The following CTNNBL1 variants were observed in gnomAD, a reference collection of about 807,000 sequenced individuals.
CTNNBL1 encodes the protein beta-catenin-like protein 1.
Under a neutral mutation model 72.7 loss-of-function variants are expected in CTNNBL1, and 31 were observed. The observed-to-expected ratio is 0.43, with a 90% CI of 0.32 to 0.58. CTNNBL1 has a LOEUF of 0.58. CTNNBL1 is among the 20% of genes least tolerant of loss of function. CTNNBL1 has a pLI of 0.08. For missense variants in CTNNBL1, 534 were observed against 725.1 expected, an observed-to-expected ratio of 0.74 and a Z score of 3.03; for synonymous variants, 240 against 267.3, an observed-to-expected ratio of 0.90 and a Z score of 1.00.
rs138347011 is a variant in CTNNBL1, at chr20:37,737,690, G to C, written c.326+206G>C. Among the ~76,000 whole-genome samples, 117 of 152,286 alleles carry C rather than the reference G, an allele frequency of 7.7e-4. No individual in the cohort carries two copies. The East Asian group carries it at 8.7e-3, about 11-fold the overall frequency. On this transcript the variant is annotated intron_variant, in intron 3 of 15. Coordinates refer to ENST00000361383, the MANE Select transcript of CTNNBL1 (RefSeq NM_030877.5). ...GTTTATTACACAGGGCACACAACAG[G>C]ATCAGCAAGAGAAAAAGACACATCA...
intron 1 of CTNNBL1, among the ~76,000 whole-genome samples, chr20:37,732,032 G>C (rs1469786506): frequency 6.6e-6 from 1 of 152,138 alleles, no homozygotes; most frequent in Non-Finnish European, 1.5e-5. Context: ...TCCATCAACA[G>C]TGCACAGGGT....
In CTNNBL1 at chr20:37,796,087, C is replaced by T. The variant is rs534352122; in HGVS notation, c.1032-6780C>T. ...TGAAGCACTACTCATCTTACTACTC[C>T]GCCAGGTGCACTGTGAATTAATAAG... On this transcript the variant is annotated intron_variant, in intron 10 of 15. Transcript: ENST00000361383. Among the ~76,000 whole-genome samples the T allele has an allele frequency of 3.3e-5, 5 of 152,240 alleles. No individual in the cohort carries two copies. In the East Asian group the frequency reaches 5.8e-4, roughly 18 times the overall value.
At chr20:37,758,736 C>T (rs535523176) in intron 5 of CTNNBL1, among the ~76,000 whole-genome samples, 5 of 152,218 alleles carry the variant, frequency 3.3e-5, no homozygotes, top group Non-Finnish European at 7.3e-5. Flanking sequence ...TCTTTTCTCT[C>T]TGGTAAGAAT....
intron 10 of CTNNBL1, among the ~76,000 whole-genome samples, chr20:37,790,647 T>A (rs576797942): frequency 1.3e-5 from 2 of 152,160 alleles, no homozygotes; most frequent in Non-Finnish European, 2.9e-5. Context: ...GCGTTACCTT[T>A]TAATAAATGG....
intron 1 of CTNNBL1, among the ~76,000 whole-genome samples, chr20:37,726,024 G>A (rs2073081500): frequency 6.6e-6 from 1 of 152,144 alleles, no homozygotes; most frequent in African/African-American, 2.4e-5. Flanking sequence ...TTATGTACAT[G>A]CATACATATA....
chr20:37,828,404 A>G (rs1175747473), intron 11 of CTNNBL1, among the ~76,000 whole-genome samples: 2 of 152,058 alleles, frequency 1.3e-5, no homozygotes, highest in Non-Finnish European at 2.9e-5. Context: ...TTTTAAAAAT[A>G]TGCCTATTGG....
At chr20:37,772,931 T>C (rs193161648) in intron 7 of CTNNBL1, among the ~76,000 whole-genome samples, 10 of 152,294 alleles carry the variant, frequency 6.6e-5, no homozygotes, top group Non-Finnish European at 2.9e-5. Flanking sequence ...TTTATTCTTA[T>C]GAGGATAAAA....
At chr20:37,717,371 A>G (rs973513258) in intron 1 of CTNNBL1, among the ~76,000 whole-genome samples, 1 of 152,272 alleles carries the variant, frequency 6.6e-6, no homozygotes, top group Middle Eastern at 3.2e-3. Flanking sequence ...CGCTGGTTGC[A>G]GAATGCATAC....
intron 11 of CTNNBL1, among the ~76,000 whole-genome samples, chr20:37,819,872 C>CTTTTTTT (rs368562087): frequency 8.2e-6 from 1 of 121,222 alleles, no homozygotes; most frequent in Non-Finnish European, 1.7e-5. Context: ...CTTTTAATAT[C>CTTTTTTT]TTTTTTTTTT....
intron 6 of CTNNBL1, among the ~76,000 whole-genome samples, chr20:37,765,906 C>T (rs942124513): frequency 4.6e-5 from 7 of 152,100 alleles, no homozygotes; most frequent in South Asian, 2.1e-4. Context: ...GTTGTTGAAC[C>T]GATATCCTAT....
intron 11 of CTNNBL1, among the ~76,000 whole-genome samples, chr20:37,807,794 C>T (rs538021526): frequency 6.6e-6 from 1 of 152,138 alleles, no homozygotes; most frequent in South Asian, 2.1e-4. Flanking sequence ...AAATGATTTG[C>T]CCTTGGGTGC....
At chr20:37,863,579 G>A (rs985163809) in intron 15 of CTNNBL1, among the ~76,000 whole-genome samples, 2 of 152,190 alleles carry the variant, frequency 1.3e-5, no homozygotes, top group African/African-American at 2.4e-5. Flanking sequence ...GCAGGATGCA[G>A]TGGCCTTGGG....
At chr20:37,760,665 C>T (rs2073408762) in intron 5 of CTNNBL1, among the ~76,000 whole-genome samples, 1 of 152,164 alleles carries the variant, frequency 6.6e-6, no homozygotes, top group Admixed American at 6.6e-5. Context: ...AACAGTAGTG[C>T]CTATCATACA....
intron 10 of CTNNBL1, among the ~76,000 whole-genome samples, chr20:37,785,615 G>A (rs892919950): frequency 3.9e-5 from 6 of 152,012 alleles, no homozygotes; most frequent in Non-Finnish European, 5.9e-5. Context: ...TTCAATATCC[G>A]TAAAATGTAA....
chr20:37,829,059 T>A (rs549275061), intron 11 of CTNNBL1, among the ~76,000 whole-genome samples: 1 of 152,270 alleles, frequency 6.6e-6, no homozygotes, highest in South Asian at 2.1e-4. Context: ...ATTTTAAACA[T>A]CCTGTTTGCA....
At chr20:37,702,339 A>G (rs1008659428) in intron 1 of CTNNBL1, among the ~76,000 whole-genome samples, 1 of 152,150 alleles carries the variant, frequency 6.6e-6, no homozygotes, top group Non-Finnish European at 1.5e-5. Context: ...TAAGGTAGTC[A>G]TTGTAATTTC....
At chr20:37,712,049 G>C (rs2072942764) in intron 1 of CTNNBL1, among the ~76,000 whole-genome samples, 1 of 152,244 alleles carries the variant, frequency 6.6e-6, no homozygotes, top group Non-Finnish European at 1.5e-5. Context: ...GGCCAGCTTA[G>C]CTGTGGGAGG....
chr20:37,723,216 A>AT (rs1159045632), intron 1 of CTNNBL1, among the ~76,000 whole-genome samples: 1 of 152,230 alleles, frequency 6.6e-6, no homozygotes, highest in Non-Finnish European at 1.5e-5. Flanking sequence ...AGGAATAATA[A>AT]TTTTTTGGTA....
chr20:37,713,696 G>A (rs932880607), intron 1 of CTNNBL1, among the ~76,000 whole-genome samples: 2 of 152,220 alleles, frequency 1.3e-5, no homozygotes, highest in African/African-American at 2.4e-5. Flanking sequence ...TGGGCAGGGT[G>A]TCACAGGGAT....
Sources: allele counts gnomAD v4.1 joint callset (sites outside exome capture counted in the v4.1 genomes callset), GRCh38; gene constraint gnomAD v4.1.1; transcripts MANE v1.5; gene names NCBI Gene and HGNC (gene_info 2026-07-23, HGNC 2026-07-21).